HEG1: variants seen among roughly 807,000 people sequenced by gnomAD.
HEG1 encodes the protein protein HEG homolog 1.
Under a neutral mutation model 125.6 loss-of-function variants are expected in HEG1, and 56 were observed. The observed-to-expected ratio is 0.45, with a 90% CI of 0.36 to 0.56. The LOEUF is 0.56. HEG1 is among the 20% of genes least tolerant of loss of function. The probability of loss-of-function intolerance (pLI) is 0.00; values close to 1 mark genes in which losing one functional copy is unlikely to be tolerated. For missense variants in HEG1, 1,523 were observed against 1,670.0 expected (o/e 0.91, Z 1.53); for synonymous variants, 644 against 668.5 (o/e 0.96, Z 0.57).
chr3:125,004,972 T>C (rs1179000276), intron 9 of HEG1, among the ~76,000 whole-genome samples: 3 of 152,220 alleles, frequency 2.0e-5, no homozygotes, highest in Non-Finnish European at 4.4e-5. Flanking sequence ...CAGCTCCTGC[T>C]GATGCCTGTC....
intron 16 of HEG1, among the ~76,000 whole-genome samples, chr3:124,973,195 G>A (rs1936477104): frequency 6.6e-6 from 1 of 151,738 alleles, no homozygotes; most frequent in Admixed American, 6.6e-5. Context: ...CTAATTTTTT[G>A]TAGAGAGGAG....
intron 5 of HEG1, among the ~76,000 whole-genome samples, chr3:125,018,189 T>G (rs1937281784): frequency 6.6e-6 from 1 of 152,338 alleles, no homozygotes; most frequent in South Asian, 2.1e-4. Flanking sequence ...TGCTACGGCA[T>G]ATTATTAAGC....
rs779305768 is a variant in HEG1 at position 125,021,058 on chromosome 3, A to G, written c.986T>C (p.Met329Thr). ...QSSSVSQTKT[M>T]HVATVFTDGG... ...ATCAGTGAACACGGTGGCAACATGC[A>G]TTGTCTTTGTTTGACTGACTGAGGA... Residue 329 changes from methionine (M) to threonine (T), a missense_variant, in exon 4 of 17, where the codon ATG becomes ACG. By Grantham distance (81) the Met-to-Thr change is moderately conservative. Transcript: ENST00000311127. 1.2e-6 allele frequency: 2 copies of G among 1,608,242 alleles called. No individual in the cohort carries two copies. The highest frequency in any genetic ancestry group is 1.3e-5 in the African/African-American group (1 of 74,874).
intron 14 of HEG1, among the ~76,000 whole-genome samples, chr3:124,989,815 G>C (rs537005253): frequency 6.6e-6 from 1 of 152,270 alleles, no homozygotes; most frequent in African/African-American, 2.4e-5. Flanking sequence ...TGCTTTCCTT[G>C]ATCAAACTGC....
At chr3:124,970,981 C>A in intron 16 of HEG1, 180 bp from the exon 17 acceptor site, 1 of 642,812 alleles carries the variant, frequency 1.6e-6, no homozygotes, top group Non-Finnish European at 2.7e-6. Context: ...GCACAACCCA[C>A]TTTAATCCTT....
intron 7 of HEG1, 107 bp downstream of exon 7, chr3:125,010,332 T>C (rs771952000): frequency 1.6e-6 from 1 of 643,850 alleles, no homozygotes; most frequent in Non-Finnish European, 2.7e-6. Flanking sequence ...AAGCAGGGTA[T>C]TAACTAAAAC....
chr3:125,012,642 T>G lies in HEG1; in HGVS notation c.2937A>C (p.Thr979=). The change falls in exon 6 of 17, where the codon ACA becomes ACC. Residue 979 remains threonine, a synonymous_variant. Coordinates refer to ENST00000311127, the MANE Select transcript of HEG1 (RefSeq NM_020733.2). ...TTTTACCTGAGGCTGAAGAGGACAC[T>G]GTTGTTGGTGACTGTGTGCTGCTCT... is the stretch of plus-strand genomic sequence containing the variant. The part of the protein sequence containing the change: ...AVQSSTQSPT[T]VSSSASVNSC... 6 of 1,613,484 alleles carry G rather than the reference T, an allele frequency of 3.7e-6. No individual in the cohort carries two copies. The highest frequency in any genetic ancestry group is 5.1e-6 in the Non-Finnish European group (6 of 1,179,742).
intron 12 of HEG1, 62 bp from the exon 13 acceptor site, chr3:124,991,048 T>TC (rs1936825487): frequency 1.5e-6 from 2 of 1,314,970 alleles, no homozygotes; most frequent in Non-Finnish European, 2.1e-6. Flanking sequence ...TCCCAGTTAA[T>TC]TAAACGCCAG....
chr3:124,970,701 T>G lies in HEG1; in HGVS notation c.4097A>C (p.Tyr1366Ser). ...TTCATCACTGATGAAAGACGGGTTATACTGTCCGGGGAAAATGCAAGAATG... is the reference window on the plus strand; with the variant it reads ...TTCATCACTGATGAAAGACGGGTTAGACTGTCCGGGGAAAATGCAAGAATG... ...SRHSCIFPGQ[Y>S]NPSFISDESR... Residue 1366 changes from tyrosine (Y) to serine (S), a missense_variant, in exon 17 of 17, where the codon TAT becomes TCT. By Grantham distance (144) the Tyr-to-Ser change is moderately radical. Transcript: ENST00000311127. The G allele has an allele frequency of 6.2e-7, 1 of 1,608,944 alleles. No homozygotes were observed. Among genetic ancestry groups the G allele is most frequent in the Non-Finnish European group, 8.5e-7 (1 of 1,177,672 alleles).
rs1321003944 is a variant in HEG1, at chr3:125,012,859, A to G, written c.2720T>C (p.Ile907Thr). The change falls in exon 6 of 17, where the codon ATT becomes ACT. Residue 907 changes from isoleucine to threonine, a missense_variant. Ile to Thr is a moderately conservative substitution (Grantham distance 89). Coordinates refer to ENST00000311127, the MANE Select transcript of HEG1 (RefSeq NM_020733.2). ...GGISTERNRV[I>T]VDATTGLIPL... is the part of the protein sequence containing the mutation. The stretch of plus-strand genomic sequence containing the variant: ...GATCAATCCAGTGGTAGCATCCACA[A>G]TCACTCGGTTCCTTTCTGTGCTGAT... 1.2e-6 allele frequency: 2 copies of G among 1,614,032 alleles called. No individual in the cohort carries two copies. The highest frequency in any genetic ancestry group is 2.2e-5 in the East Asian group (1 of 44,886).
chr3:125,044,786 A>G (rs1209196350), intron 1 of HEG1, among the ~76,000 whole-genome samples: 1 of 152,242 alleles, frequency 6.6e-6, no homozygotes, highest in Non-Finnish European at 1.5e-5. Flanking sequence ...AGCAAAAGCC[A>G]GAAAGGACAG....
intron 15 of HEG1, among the ~76,000 whole-genome samples, chr3:124,976,797 C>T (rs1399782701): frequency 6.6e-6 from 1 of 152,170 alleles, no homozygotes; most frequent in Non-Finnish European, 1.5e-5. Context: ...CCTAGCCCCC[C>T]ACCTCTTGCT....
intron 12 of HEG1, among the ~76,000 whole-genome samples, chr3:124,996,494 G>A (rs1936925665): frequency 1.3e-5 from 2 of 152,324 alleles, no homozygotes; most frequent in South Asian, 4.1e-4. Flanking sequence ...ACGGCACTGA[G>A]ACATGCTGTG....
chr3:124,971,789 C>CTT (rs10635471), intron 16 of HEG1, among the ~76,000 whole-genome samples: 39,540 of 128,280 alleles, frequency 0.31, 6,738 homozygotes, highest in East Asian at 0.51. Flanking sequence ...TGCGCCCGGC[C>CTT]TTTTTTTTTT....
chr3:125,027,543 C>A (rs1937435840), intron 2 of HEG1, 36 bp from the exon 3 acceptor site: 3 of 1,537,640 alleles, frequency 2.0e-6, no homozygotes, highest in African/African-American at 1.4e-5. Context: ...ATTCCACCAG[C>A]AGACTTCAAA....
Position 125,029,385 on chromosome 3 carries a change from C to G in HEG1, c.420G>C (p.Glu140Asp). 2 of 1,612,868 alleles carry G rather than the reference C, an allele frequency of 1.2e-6. No homozygotes were observed. Among genetic ancestry groups the G allele is most frequent in the Non-Finnish European group, 1.7e-6 (2 of 1,179,890 alleles). The change falls in exon 2 of 17, where the codon GAG (glutamate) becomes GAC (aspartate). Residue 140 changes from glutamate to aspartate, a missense_variant. Physicochemically the swap from Glu to Asp is conservative, Grantham distance 45. Coordinates refer to ENST00000311127, the MANE Select transcript of HEG1 (RefSeq NM_020733.2). ...QEDFSTVSSK[E>D]GVMVQTSGKS... ...TCCCAGAGGTCTGAACCATCACGCC[C>G]TCTTTGGAGGACACTGTTGAAAAGT...
intron 1 of HEG1, among the ~76,000 whole-genome samples, chr3:125,030,012 G>A (rs1380260575): frequency 6.6e-6 from 1 of 152,214 alleles, no homozygotes; most frequent in Non-Finnish European, 1.5e-5. Flanking sequence ...TAGAATAAAT[G>A]ATGGAAATTT....
In HEG1 at chr3:125,033,869, C is replaced by T. The variant is rs1485419239; in HGVS notation, c.317-4381G>A. ...GGAGCAAGAACATTATTGTGAACTG[C>T]GCATGTGCGAAAGATCTAGGTTGCA... On this transcript the variant is annotated intron_variant, in intron 1 of 16. Coordinates refer to ENST00000311127, the MANE Select transcript of HEG1 (RefSeq NM_020733.2). Among the ~76,000 whole-genome samples the T allele has an allele frequency of 4.6e-5, 7 of 152,296 alleles. No homozygotes were observed. In the Middle Eastern group the frequency reaches 0.01, roughly 222 times the overall value.
At chr3:125,003,875 T>C (rs757232986) in intron 9 of HEG1, among the ~76,000 whole-genome samples, 4 of 152,246 alleles carry the variant, frequency 2.6e-5, no homozygotes, top group Non-Finnish European at 5.9e-5. Context: ...GATTTTAAGC[T>C]GTTGACTTTC....
Sources: allele counts gnomAD v4.1 joint callset (sites outside exome capture counted in the v4.1 genomes callset), GRCh38; gene constraint gnomAD v4.1.1; transcripts MANE v1.5; gene names NCBI Gene and HGNC (gene_info 2026-07-23, HGNC 2026-07-21).